UBE2E2: variants seen among roughly 807,000 people sequenced by gnomAD.
UBE2E2 encodes the protein ubiquitin-conjugating enzyme E2 E2.
A neutral mutation model predicts 24.7 loss-of-function variants in UBE2E2; 6 were observed. The ratio of observed to expected loss-of-function variants is 0.24; its 90% confidence interval spans 0.13 to 0.48. The LOEUF (loss-of-function observed/expected upper bound fraction) is 0.48. Among genes scored for constraint, UBE2E2 ranks in the 20% least tolerant of loss-of-function variants. The pLI, the probability that UBE2E2 is intolerant of heterozygous loss-of-function variation, is 0.99. For missense variants in UBE2E2, 169 were observed against 245.0 expected (o/e 0.69, Z 2.07); for synonymous variants, 104 against 83.6 (o/e 1.24, Z -1.33).
At chr3:23,552,278 A>C (rs1282839231) in intron 5 of UBE2E2, among the ~76,000 whole-genome samples, 1 of 152,206 alleles carries the variant, frequency 6.6e-6, no homozygotes, top group South Asian at 2.1e-4. Context: ...ACTGGAGCCC[A>C]GGGGTTCGAG....
At chr3:23,248,339 T>C (rs1228937958) in intron 3 of UBE2E2, among the ~76,000 whole-genome samples, 6 of 152,252 alleles carry the variant, frequency 3.9e-5, no homozygotes, top group African/African-American at 1.2e-4. Context: ...AATTTCTCTG[T>C]CATTTCCCTG....
intron 5 of UBE2E2, among the ~76,000 whole-genome samples, chr3:23,546,530 A>G (rs1484481597): frequency 8.2e-5 from 11 of 134,606 alleles, no homozygotes; most frequent in East Asian, 4.3e-4. Flanking sequence ...CTGGAGTGCA[A>G]TGGTGCGATC....
intron 4 of UBE2E2, among the ~76,000 whole-genome samples, chr3:23,519,679 T>G (rs181091279): frequency 2.0e-5 from 3 of 152,256 alleles, no homozygotes; most frequent in African/African-American, 7.2e-5. Flanking sequence ...GTGAGGGTTT[T>G]TTTTGTTTTG....
At chr3:23,568,506 C>T (rs929429992) in intron 5 of UBE2E2, among the ~76,000 whole-genome samples, 4 of 151,188 alleles carry the variant, frequency 2.6e-5, no homozygotes, top group African/African-American at 4.9e-5. Flanking sequence ...AGCCAGAGAA[C>T]ATCAGAAAAA....
intron 3 of UBE2E2, among the ~76,000 whole-genome samples, chr3:23,471,043 A>G (rs1055267323): frequency 6.6e-6 from 1 of 152,198 alleles, no homozygotes; most frequent in Admixed American, 6.5e-5. Flanking sequence ...GAAGTGGGGT[A>G]AAGAAAGAAA....
intron 3 of UBE2E2, among the ~76,000 whole-genome samples, chr3:23,433,956 C>A (rs1698124180): frequency 6.6e-6 from 1 of 151,916 alleles, no homozygotes; most frequent in Non-Finnish European, 1.5e-5. Context: ...TAAAATAAAT[C>A]CTCAATATTA....
intron 3 of UBE2E2, among the ~76,000 whole-genome samples, chr3:23,350,667 A>G (rs13325204): frequency 0.045 from 6,907 of 152,236 alleles, 538 homozygotes; most frequent in African/African-American, 0.16. Context: ...GAAATGAAGC[A>G]AGAAGGGAAG....
intron 4 of UBE2E2, among the ~76,000 whole-genome samples, chr3:23,507,906 A>G (rs577290065): frequency 2.0e-5 from 3 of 152,302 alleles, no homozygotes; most frequent in African/African-American, 7.2e-5. Flanking sequence ...CTTTTCTTCA[A>G]TATGTTTCTA....
In UBE2E2 at chr3:23,208,968, G is replaced by A. The variant is rs763596447; in HGVS notation, c.176+93G>A. The A allele has an allele frequency of 2.9e-4, 386 of 1,320,026 alleles. 2 individuals carry two copies. Among genetic ancestry groups the A allele is most frequent in the Admixed American group, 6.9e-4 (24 of 34,976 alleles). 81.8% of individuals were successfully genotyped at this position (1,320,026 alleles called of 1,614,324 possible). A position where few individuals can be genotyped will look rare whatever the true frequency, so the allele number is the denominator to read the frequency against. ...TGCATTTAATCATTTTTTCTGGGATGTCGGCCGTGAACTTCATGGATTTTT... is the reference window on the plus strand; with the variant it reads ...TGCATTTAATCATTTTTTCTGGGATATCGGCCGTGAACTTCATGGATTTTT... On this transcript the variant is annotated intron_variant, in intron 2 of 5. Transcript: ENST00000396703.
chr3:23,316,512 G>A (rs921739033), intron 3 of UBE2E2, among the ~76,000 whole-genome samples: 1 of 151,942 alleles, frequency 6.6e-6, no homozygotes, highest in Non-Finnish European at 1.5e-5. Flanking sequence ...GTAGGGCAGT[G>A]GTCTCCCCTC....
rs1696739270 is a variant in UBE2E2, at chr3:23,590,607, T to C, written c.*776T>C. 1 of 152,676 alleles carries C rather than the reference T, an allele frequency of 6.5e-6. No individual in the cohort carries two copies. 9.5% of individuals were successfully genotyped at this position (152,676 alleles called of 1,614,324 possible). A position where few individuals can be genotyped will look rare whatever the true frequency, so the allele number is the denominator to read the frequency against. On this transcript the variant is annotated 3_prime_UTR_variant, in exon 6 of 6. Transcript: ENST00000396703. ...TTCTGGTAACCCGACATTTGCTTTGTGTCCTGGTGACCGCTGTAGCCCTAC... is the reference window on the plus strand; with the variant it reads ...TTCTGGTAACCCGACATTTGCTTTGCGTCCTGGTGACCGCTGTAGCCCTAC...
chr3:23,325,250 A>T (rs1032153065), intron 3 of UBE2E2, among the ~76,000 whole-genome samples: 1 of 152,182 alleles, frequency 6.6e-6, no homozygotes, highest in African/African-American at 2.4e-5. Context: ...AAGGATTTAG[A>T]TTTAATAATA....
intron 3 of UBE2E2, among the ~76,000 whole-genome samples, chr3:23,375,789 C>G (rs1475718620): frequency 1.3e-5 from 2 of 152,066 alleles, no homozygotes; most frequent in Non-Finnish European, 2.9e-5. Flanking sequence ...TTTTTTAAAC[C>G]CTTAACAAGT....
At chr3:23,345,107 G>T (rs1002760286) in intron 3 of UBE2E2, among the ~76,000 whole-genome samples, 1 of 152,154 alleles carries the variant, frequency 6.6e-6, no homozygotes, top group African/African-American at 2.4e-5. Flanking sequence ...TTCTAGTTCT[G>T]CCTCTGACTA....
At chr3:23,545,659 G>A (rs1031103577) in intron 5 of UBE2E2, among the ~76,000 whole-genome samples, 1 of 152,018 alleles carries the variant, frequency 6.6e-6, no homozygotes, top group Non-Finnish European at 1.5e-5. Context: ...TCCTACTACT[G>A]GGTATCTACC....
At chr3:23,287,506 T>C (rs116501483) in intron 3 of UBE2E2, among the ~76,000 whole-genome samples, 5,963 of 152,192 alleles carry the variant, frequency 0.039, 146 homozygotes, top group Non-Finnish European at 0.058. Context: ...TGATAGTAAT[T>C]CTTTAAATGT....
chr3:23,249,604 C>T (rs1327003380), intron 3 of UBE2E2, among the ~76,000 whole-genome samples: 3 of 150,810 alleles, frequency 2.0e-5, no homozygotes, highest in African/African-American at 4.9e-5. Context: ...GATTAAAATT[C>T]AGGTTATTTT....
At chr3:23,475,199 C>G (rs1429528580) in intron 3 of UBE2E2, among the ~76,000 whole-genome samples, 1 of 151,712 alleles carries the variant, frequency 6.6e-6, no homozygotes, top group Non-Finnish European at 1.5e-5. Flanking sequence ...TCTCAGAACT[C>G]CCTCCTAACT....
At chr3:23,344,112 T>C (rs947719308) in intron 3 of UBE2E2, among the ~76,000 whole-genome samples, 4 of 152,020 alleles carry the variant, frequency 2.6e-5, no homozygotes, top group Non-Finnish European at 5.9e-5. Flanking sequence ...TTTGATTTGA[T>C]TTTTTTTCAG....
Sources: gnomAD v4.1 joint callset for allele counts (sites outside exome capture counted in the v4.1 genomes callset) on GRCh38, gnomAD v4.1.1 for gene constraint, MANE v1.5 for transcripts, NCBI Gene and HGNC (gene_info 2026-07-23, HGNC 2026-07-21) for gene names.